The following SIN3B variants were observed in gnomAD, a reference collection of about 807,000 sequenced individuals.
SIN3B encodes SIN3 transcription regulator family member B.
Under a neutral mutation model 120.2 loss-of-function variants are expected in SIN3B, and 19 were observed. The observed-to-expected ratio is 0.16, with a 90% CI of 0.11 to 0.23. The LOEUF (loss-of-function observed/expected upper bound fraction) is 0.23, where lower values mean the gene tolerates loss of function less well. SIN3B is among the 10% of genes least tolerant of loss of function. SIN3B has a pLI of 1.00. For synonymous variants in SIN3B, 654 were observed against 653.2 expected (o/e 1.00, Z -0.02); for missense variants, 1,073 against 1,573.0 (o/e 0.68, Z 5.38).
At chr19:16,856,160 C>T (rs1175303251) in intron 8 of SIN3B, among the ~76,000 whole-genome samples, 4 of 152,198 alleles carry the variant, frequency 2.6e-5, no homozygotes, top group Non-Finnish European at 4.4e-5. Context: ...CCAGGTCAGC[C>T]TCAGGAAGGG....
At chr19:16,835,084 G>C (rs1309445875) in intron 3 of SIN3B, among the ~76,000 whole-genome samples, 2 of 149,166 alleles carry the variant, frequency 1.3e-5, no homozygotes, top group Middle Eastern at 3.7e-3. Context: ...GCACCAGCGC[G>C]CCCGACTAAT....
intron 3 of SIN3B, among the ~76,000 whole-genome samples, chr19:16,839,940 G>C (rs375422231): frequency 1.3e-4 from 20 of 152,186 alleles, no homozygotes; most frequent in Middle Eastern, 6.8e-3. Flanking sequence ...GGAGGCAAAG[G>C]TTGCAGTGAG....
At position 16,878,684 on chromosome 19, in the gene SIN3B, C is replaced by T. The variant is rs1393515518; in HGVS notation, c.3350C>T (p.Thr1117Ile). Residue 1117 changes from threonine (T) to isoleucine (I), a missense_variant, in exon 19 of 19, where the codon ACC becomes ATC. Transcript: ENST00000248054. Reference protein sequence around the residue: ...ETVHVHGLPVTRYRVQYSRRP... With the variant: ...ETVHVHGLPVIRYRVQYSRRP... ...GTGCACGTGCACGGCCTGCCCGTGA[C>T]CCGCTACCGCGTGCAGTACAGCCGC... 6.2e-7 allele frequency: 1 copy of T among 1,612,064 alleles called. No individual in the cohort carries two copies. Among genetic ancestry groups the T allele is most frequent in the East Asian group, 2.2e-5 (1 of 44,844 alleles).
chr19:16,877,771 C>T, intron 17 of SIN3B, 132 bp downstream of exon 17: 1 of 688,690 alleles, frequency 1.5e-6, no homozygotes, highest in Admixed American at 2.2e-5. Context: ...TGTGCTGAGG[C>T]AGGCCCTGCC....
chr19:16,862,707 G>A lies in SIN3B; in HGVS notation c.1266+148G>A, dbSNP rs767836465. On this transcript the variant is annotated intron_variant, in intron 9 of 18. Coordinates refer to ENST00000248054, the MANE Select transcript of SIN3B (RefSeq NM_001297595.2). The surrounding 1 kb of genome is among the most constrained non-coding windows in gnomAD (Gnocchi z 4.7). ...TATGGGTGGTGCTGGGATGTGGCCCGGCAAAACCACCTGAGCAGAGACAAC... is the reference window on the plus strand; with the variant it reads ...TATGGGTGGTGCTGGGATGTGGCCCAGCAAAACCACCTGAGCAGAGACAAC... 8.3e-5 allele frequency: 89 copies of A among 1,074,930 alleles called. No individual in the cohort carries two copies. The Middle Eastern group carries it at 1.8e-3, about 22-fold the overall frequency. 66.6% of individuals were successfully genotyped at this position (1,074,930 alleles called of 1,614,324 possible). A position where few individuals can be genotyped will look rare whatever the true frequency, so the allele number is the denominator to read the frequency against.
intron 14 of SIN3B, among the ~76,000 whole-genome samples, chr19:16,874,730 T>TCTGG (rs1481167557): frequency 6.6e-6 from 1 of 151,902 alleles, no homozygotes; most frequent in African/African-American, 2.4e-5. Context: ...TCTGGTCTGG[T>TCTGG]CTGGTTTTGG....
Position 16,877,728 on chromosome 19 carries a change from C to T in SIN3B, c.2954+89C>T, listed in dbSNP as rs531688716. 2.0e-3 allele frequency: 1,864 copies of T among 941,734 alleles called. 7 individuals are homozygous for T. The highest frequency in any genetic ancestry group is 2.7e-3 in the Non-Finnish European group (1,632 of 599,696). 58.3% of individuals were successfully genotyped at this position (941,734 alleles called of 1,614,324 possible). On this transcript the variant is annotated intron_variant, in intron 17 of 18. Coordinates refer to ENST00000248054, the MANE Select transcript of SIN3B (RefSeq NM_001297595.2). ...TCCTGACGGGGGCTGGACCATGGCA[C>T]ACTGTCTGGGAGCACTTAGTAGGTG...
intron 8 of SIN3B, among the ~76,000 whole-genome samples, chr19:16,857,515 A>ATGTGTGTGTGTG (rs1555742137): frequency 1.6e-5 from 1 of 62,162 alleles, no homozygotes; most frequent in Non-Finnish European, 3.5e-5. Context: ...CTTAAAAAAA[A>ATGTGTGTGTGTG]TATGTGTGTG....
chr19:16,829,988 C>T (rs916502624), intron 2 of SIN3B, 91 bp downstream of exon 2: 1 of 832,632 alleles, frequency 1.2e-6, no homozygotes, highest in East Asian at 2.5e-5. Context: ...AGCCTGCCCC[C>T]TTAGCCGGGT....
At chr19:16,871,689 C>T in intron 14 of SIN3B, 1 of 340,686 alleles carries the variant, frequency 2.9e-6, no homozygotes, top group African/African-American at 2.2e-5. Context: ...CATTCCCCTG[C>T]CCCGAGCCCC....
At chr19:16,838,937 G>T (rs1178257641) in intron 3 of SIN3B, among the ~76,000 whole-genome samples, 3 of 142,930 alleles carry the variant, frequency 2.1e-5, no homozygotes, top group Non-Finnish European at 4.6e-5. Context: ...CTCCCAAAGT[G>T]CTGGGATTAC....
chr19:16,869,814 G>T lies in SIN3B; in HGVS notation c.2161G>T (p.Ala721Ser). 6.2e-7 allele frequency: 1 copy of T among 1,613,782 alleles called. No individual in the cohort carries two copies. Among genetic ancestry groups the T allele is most frequent in the Non-Finnish European group, 8.5e-7 (1 of 1,179,958 alleles). Residue 721 changes from alanine (A) to serine (S), a missense_variant, in exon 13 of 19, where the codon GCC becomes TCC. Ala to Ser is a moderately conservative substitution (Grantham distance 99). Around this residue, in one of 7 missense-constraint regions of SIN3B, gnomAD observed 169 missense variants for 207.3 expected, o/e 0.82. Transcript: ENST00000248054. ...EEKGAFGDAP[A>S]TEQPPLPPPA... is the part of the protein sequence containing the mutation. ...GAAGGGGGCCTTCGGGGATGCCCCGGCCACTGAGCAGCCACCCCTGCCGCC... is the reference window on the plus strand; with the variant it reads ...GAAGGGGGCCTTCGGGGATGCCCCGTCCACTGAGCAGCCACCCCTGCCGCC...
chr19:16,839,573 A>G (rs1319385954), intron 3 of SIN3B, among the ~76,000 whole-genome samples: 1 of 152,096 alleles, frequency 6.6e-6, no homozygotes, highest in Non-Finnish European at 1.5e-5. Flanking sequence ...CCTCTGAAAC[A>G]GACCTTGGCT....
intron 3 of SIN3B, among the ~76,000 whole-genome samples, chr19:16,836,682 T>C (rs1971352805): frequency 6.6e-6 from 1 of 152,150 alleles, no homozygotes; most frequent in Non-Finnish European, 1.5e-5. Context: ...AGAAACTGGA[T>C]GCTGGTGGGA....
At position 16,854,271 on chromosome 19, in the gene SIN3B, T is replaced by C; in HGVS notation, c.1058+10T>C. The C allele has an allele frequency of 6.3e-7, 1 of 1,593,434 alleles. No homozygotes were observed. The highest frequency in any genetic ancestry group is 8.6e-7 in the Non-Finnish European group (1 of 1,165,270). ...TCAGCCCATTTCTGGGGTGAGCAGC[T>C]GACTTCCCAGGGCTCCCTAGGGGGG... On this transcript the variant is annotated intron_variant, in intron 8 of 18. Coordinates refer to ENST00000248054, the MANE Select transcript of SIN3B (RefSeq NM_001297595.2).
In SIN3B at chr19:16,851,996, G is replaced by C. The variant is rs376116420; in HGVS notation, c.849+462G>C. Among the ~76,000 whole-genome samples, 8 of 152,294 alleles carry C rather than the reference G, an allele frequency of 5.3e-5. No individual in the cohort carries two copies. The East Asian group carries it at 1.2e-3, about 22-fold the overall frequency. ...GTTACTACTTGGCTTTCTACTATTG[G>C]TGGGAACTTTGTCGTCCTCCCATTT... On this transcript the variant is annotated intron_variant, in intron 6 of 18. Coordinates refer to ENST00000248054, the MANE Select transcript of SIN3B (RefSeq NM_001297595.2).
Position 16,876,837 on chromosome 19 carries a change from A to C in SIN3B, c.2859+259A>C. On this transcript the variant is annotated intron_variant, in intron 16 of 18. Transcript: ENST00000248054. This position sits in a 1 kb window ranked among gnomAD's most constrained non-coding sequence, Gnocchi z 7.1. Reference sequence around the variant, plus strand: ...TGTGTCCCAGGGCAGGAGGGGAACCAAGCCACCTCTCCCTGGCCCCCGACT... The same window carrying C: ...TGTGTCCCAGGGCAGGAGGGGAACCCAGCCACCTCTCCCTGGCCCCCGACT... 2.4e-6 allele frequency: 1 copy of C among 416,746 alleles called. No individual in the cohort carries two copies. The highest frequency in any genetic ancestry group is 4.3e-6 in the Non-Finnish European group (1 of 231,452). 25.8% of individuals were successfully genotyped at this position (416,746 alleles called of 1,614,324 possible). A position where few individuals can be genotyped will look rare whatever the true frequency, so the allele number is the denominator to read the frequency against.
chr19:16,863,796 GGTGT>G lies in SIN3B; in HGVS notation c.1383+6_1383+9del. 1.9e-6 allele frequency: 3 copies of G among 1,611,330 alleles called. No individual in the cohort carries two copies. Among genetic ancestry groups the G allele is most frequent in the Non-Finnish European group, 2.5e-6 (3 of 1,177,966 alleles). ...ACCGCTGTGAGGACGAGCGCTTCGA[GGTGT>G]GTGTGCTGCTGTGGCCGGGTCCCCC... On this transcript the variant is annotated splice_donor_variant and splice_donor_region_variant and intron_variant, in intron 10 of 18. Transcript: ENST00000248054. LOFTEE classifies it high-confidence loss of function.
At position 16,862,851 on chromosome 19, in the gene SIN3B, C is replaced by T. The variant is rs375899618; in HGVS notation, c.1266+292C>T. The T allele has an allele frequency of 3.9e-5, 59 of 1,526,216 alleles. No homozygotes were observed. Among genetic ancestry groups the T allele is most frequent in the Admixed American group, 2.7e-4 (16 of 59,866 alleles). The allele number at this position is 1,526,216 out of a possible 1,614,324, so 94.5% of individuals were successfully genotyped here. A position where few individuals can be genotyped will look rare whatever the true frequency, so the allele number is the denominator to read the frequency against. On this transcript the variant is annotated intron_variant, in intron 9 of 18. Transcript: ENST00000248054. This position sits in a 1 kb window ranked among gnomAD's most constrained non-coding sequence, Gnocchi z 4.7. Reference sequence around the variant, plus strand: ...TTGCTGCCATGATTCTGCTCTGTCCCGGGCTCACTGACCTCAGTGTGTTTC... The same window carrying T: ...TTGCTGCCATGATTCTGCTCTGTCCTGGGCTCACTGACCTCAGTGTGTTTC...
Sources: allele counts gnomAD v4.1 joint callset (sites outside exome capture counted in the v4.1 genomes callset), GRCh38; gene constraint gnomAD v4.1.1; regional missense constraint gnomAD v4.1.1; non-coding constraint Gnocchi (gnomAD v3.1); transcripts MANE v1.5; gene names NCBI Gene and HGNC (gene_info 2026-07-23, HGNC 2026-07-21).